CAPN9: variants seen among roughly 807,000 people sequenced by gnomAD.
CAPN9 encodes calpain 9, also known as calpain-9.
In CAPN9, 81 loss-of-function variants were observed where a neutral mutation model predicts 92.8. That is an observed-to-expected ratio of 0.87 (90% CI 0.73 to 1.05). CAPN9 has a LOEUF of 1.05. Among genes scored for constraint, CAPN9 ranks in the 50% least tolerant of loss-of-function variants. The pLI is 0.00. For missense variants in CAPN9, 848 were observed against 866.2 expected (o/e 0.98, Z 0.26); for synonymous variants, 304 against 328.0 (o/e 0.93, Z 0.79).
chr1:230,777,912 G>A (rs1666930808), intron 8 of CAPN9, among the ~76,000 whole-genome samples: 1 of 152,128 alleles, frequency 6.6e-6, no homozygotes, highest in Non-Finnish European at 1.5e-5. Context: ...CCTCCTGGCT[G>A]TCTATTCCCA....
intron 1 of CAPN9, among the ~76,000 whole-genome samples, chr1:230,748,232 C>T (rs995626020): frequency 6.6e-6 from 1 of 152,324 alleles, no homozygotes; most frequent in South Asian, 2.1e-4. Context: ...TCCCAGAGAT[C>T]AGGGTGAACA....
intron 1 of CAPN9, among the ~76,000 whole-genome samples, chr1:230,751,597 GAAAGAAAGAAAGAGAAAGAA>G (rs1363455119): frequency 0.054 from 786 of 14,542 alleles, 7 homozygotes; most frequent in Non-Finnish European, 0.07. Flanking sequence ...AAGAAAGAAA[GAAAGAAAGAAAGAGAAAGAA>G]AGAAAGAAAG....
intron 18 of CAPN9, among the ~76,000 whole-genome samples, chr1:230,796,817 G>C (rs1047558809): frequency 1.3e-5 from 2 of 152,140 alleles, no homozygotes; most frequent in African/African-American, 4.8e-5. Context: ...CCCAGAACGG[G>C]GGGTGGGAGT....
chr1:230,800,157 G>A (rs534944413), intron 19 of CAPN9, among the ~76,000 whole-genome samples: 3 of 151,006 alleles, frequency 2.0e-5, no homozygotes, highest in East Asian at 2.0e-4. Context: ...CAGCCTGGGC[G>A]ACAGAGTGAG....
intron 11 of CAPN9, among the ~76,000 whole-genome samples, chr1:230,781,137 G>A (rs148843973): frequency 1.9e-4 from 29 of 152,208 alleles, no homozygotes; most frequent in African/African-American, 6.7e-4. Flanking sequence ...CCAAAGTGCT[G>A]GGATTACAGG....
chr1:230,780,026 G>A (rs559695498), intron 9 of CAPN9, among the ~76,000 whole-genome samples, 153 bp from the exon 10 acceptor site: 3 of 152,058 alleles, frequency 2.0e-5, no homozygotes, highest in Admixed American at 2.0e-4. Context: ...GGGAGAGAAG[G>A]TATTACTTTC....
intron 17 of CAPN9, among the ~76,000 whole-genome samples, chr1:230,794,913 A>G (rs1558119520): frequency 6.6e-6 from 1 of 152,232 alleles, no homozygotes; most frequent in Non-Finnish European, 1.5e-5. Context: ...CTCAGAAGCC[A>G]TTAAACACAG....
intron 19 of CAPN9, among the ~76,000 whole-genome samples, chr1:230,800,152 T>C (rs1572104408): frequency 6.7e-6 from 1 of 148,500 alleles, no homozygotes; most frequent in East Asian, 2.0e-4. Context: ...CACTCCAGCC[T>C]GGGCGACAGA....
chr1:230,800,164 T>A (rs1334592608), intron 19 of CAPN9, among the ~76,000 whole-genome samples: 1 of 137,554 alleles, frequency 7.3e-6, no homozygotes, highest in Non-Finnish European at 1.5e-5. Flanking sequence ...GGCGACAGAG[T>A]GAGACTCCAT....
At chr1:230,782,995 CCA>C (rs1213343795) in intron 11 of CAPN9, among the ~76,000 whole-genome samples, 1 of 152,122 alleles carries the variant, frequency 6.6e-6, no homozygotes, top group Non-Finnish European at 1.5e-5. Flanking sequence ...CCAGCCTGTG[CCA>C]CAGAGTGAGA....
At chr1:230,773,154 C>G (rs2102876651) in intron 7 of CAPN9, among the ~76,000 whole-genome samples, 1 of 152,224 alleles carries the variant, frequency 6.6e-6, no homozygotes, top group Non-Finnish European at 1.5e-5. Context: ...TTAGCCAGAC[C>G]CCAGCGTGAG....
At chr1:230,787,801 G>C (rs574633163) in intron 13 of CAPN9, among the ~76,000 whole-genome samples, 199 bp downstream of exon 13, 1 of 152,342 alleles carries the variant, frequency 6.6e-6, no homozygotes, top group East Asian at 1.9e-4. Context: ...GTCTGCGGCT[G>C]TGGATGGGGC....
rs143396487 is a variant in CAPN9 at position 230,795,275 on chromosome 1, G to A, written c.1983G>A (p.Ala661=). 4.4e-5 allele frequency: 70 copies of A among 1,603,134 alleles called. No individual in the cohort carries two copies. The highest frequency in any genetic ancestry group is 1.2e-4 in the Admixed American group (7 of 59,946). Residue 661 remains alanine (A), a synonymous_variant, in exon 18 of 20, where the codon GCG becomes GCA. Coordinates refer to ENST00000271971, the MANE Select transcript of CAPN9 (RefSeq NM_006615.3). ...FLNCLVRLEN[A]SRVFQALSTK... ...ACTGCCTGGTCCGGCTGGAGAATGC[G>A]AGCCGTAAGTGTCCAGCGAGGCTGA...
chr1:230,761,361 C>T (rs949190953), intron 3 of CAPN9, among the ~76,000 whole-genome samples: 2 of 152,132 alleles, frequency 1.3e-5, no homozygotes, highest in South Asian at 4.1e-4. Context: ...CCTGAGCCAG[C>T]CCCTCTGCAA....
chr1:230,786,012 C>A lies in CAPN9; in HGVS notation c.1513C>A (p.Pro505Thr). The A allele has an allele frequency of 6.2e-7, 1 of 1,613,952 alleles. No individual in the cohort carries two copies. The highest frequency in any genetic ancestry group is 8.5e-7 in the Non-Finnish European group (1 of 1,179,838). The stretch of plus-strand genomic sequence containing the variant: ...GGATGGAAATGTAGACATTGACCTT[C>A]CTGAGGTGAGTCTTCTGATGTTGCT... ...DMDGNVDIDL[P>T]EPPKPTPPDQ... The change falls in exon 12 of 20, where the codon CCT (proline) becomes ACT (threonine). Residue 505 changes from proline to threonine, a missense_variant. Physicochemically the swap from Pro to Thr is conservative, Grantham distance 38. Transcript: ENST00000271971.
chr1:230,773,740 C>A (rs1666544204), intron 7 of CAPN9, among the ~76,000 whole-genome samples: 1 of 152,144 alleles, frequency 6.6e-6, no homozygotes. Flanking sequence ...GGCCCGAGCA[C>A]CTGGAGACAG....
chr1:230,766,933 G>A (rs781372663), intron 4 of CAPN9, among the ~76,000 whole-genome samples: 2 of 151,994 alleles, frequency 1.3e-5, no homozygotes, highest in Admixed American at 6.6e-5. Flanking sequence ...GGAAAGACCC[G>A]CCTCCATAAT....
At chr1:230,782,540 TTAC>T (rs1667295551) in intron 11 of CAPN9, among the ~76,000 whole-genome samples, 2 of 152,202 alleles carry the variant, frequency 1.3e-5, no homozygotes, top group South Asian at 4.1e-4. Context: ...CCTCTTAATA[TTAC>T]TACTATCCAA....
chr1:230,800,231 G>GAAGAAAGAAAGAAAGAAAGA (rs56677043), intron 19 of CAPN9, among the ~76,000 whole-genome samples: 3 of 51,476 alleles, frequency 5.8e-5, no homozygotes, highest in African/African-American at 7.6e-5. Flanking sequence ...AAGAAAGAAA[G>GAAGAAAGAAAGAAAGAAAGA]AAGAAAGAAA....
Sources: gnomAD v4.1 joint callset for allele counts (sites outside exome capture counted in the v4.1 genomes callset) on GRCh38, gnomAD v4.1.1 for gene constraint, MANE v1.5 for transcripts, NCBI Gene and HGNC (gene_info 2026-07-23, HGNC 2026-07-21) for gene names.